Variants in SGCD observed in about 807,000 individuals in gnomAD.
SGCD encodes sarcoglycan delta.
Under a neutral mutation model 36.6 loss-of-function variants are expected in SGCD, and 18 were observed. The ratio of observed to expected loss-of-function variants is 0.49; its 90% CI spans 0.34 to 0.73. The LOEUF (loss-of-function observed/expected upper bound fraction) is 0.73, where lower values mean the gene tolerates loss of function less well. SGCD is among the 30% of genes least tolerant of loss of function. SGCD has a pLI of 0.01. For synonymous variants in SGCD, 133 were observed against 130.6 expected, an observed-to-expected ratio of 1.02 and a Z score of -0.12; for missense variants, 387 against 346.7, an observed-to-expected ratio of 1.12 and a Z score of -0.92.
chr5:155,802,877 T>G, the SGCD span, among the ~76,000 whole-genome samples: 14,512 of 152,268 alleles, frequency 0.095, 859 homozygotes, highest in South Asian at 0.2. Flanking sequence ...ATAGATATTT[T>G]TCATCTGAGG....
chr5:156,687,223 A>G (rs1201172477), intron 7 of SGCD, among the ~76,000 whole-genome samples: 1 of 152,214 alleles, frequency 6.6e-6, no homozygotes, highest in African/African-American at 2.4e-5. Flanking sequence ...CAAGCCACAC[A>G]ACAGTAGCTC....
chr5:156,646,871 G>A (rs1763246171), intron 6 of SGCD, among the ~76,000 whole-genome samples: 1 of 152,154 alleles, frequency 6.6e-6, no homozygotes, highest in South Asian at 2.1e-4. Context: ...TAAATGTCTA[G>A]ATTGGGTTTG....
chr5:156,664,925 C>A (rs79017871), intron 7 of SGCD, among the ~76,000 whole-genome samples: 1 of 90,184 alleles, frequency 1.1e-5, no homozygotes, highest in Non-Finnish European at 2.5e-5. Flanking sequence ...TCTAACGTTA[C>A]TGGGAATTGC....
At chr5:156,125,536 G>T (rs775102115) in intron 3 of SGCD, among the ~76,000 whole-genome samples, 2 of 151,894 alleles carry the variant, frequency 1.3e-5, no homozygotes, top group African/African-American at 2.4e-5. Context: ...TGAGATGGGC[G>T]GACATGTAAG....
the SGCD span, among the ~76,000 whole-genome samples, chr5:155,762,276 T>G: frequency 6.6e-6 from 1 of 152,156 alleles, no homozygotes; most frequent in Admixed American, 6.5e-5. Context: ...AAATCACAAT[T>G]GGAATTTAGG....
intron 3 of SGCD, among the ~76,000 whole-genome samples, chr5:156,194,704 A>C (rs1049745165): frequency 6.6e-6 from 1 of 152,096 alleles, no homozygotes; most frequent in African/African-American, 2.4e-5. Flanking sequence ...GATGGATAAT[A>C]TGATATAGTA....
At chr5:156,734,036 T>A (rs1756219890) in intron 7 of SGCD, among the ~76,000 whole-genome samples, 1 of 152,164 alleles carries the variant, frequency 6.6e-6, no homozygotes, top group African/African-American at 2.4e-5. Context: ...TTGTAGTGGC[T>A]GGTAATGATC....
chr5:155,993,743 A>G (rs1218327466), intron 1 of SGCD, among the ~76,000 whole-genome samples: 1 of 152,046 alleles, frequency 6.6e-6, no homozygotes, highest in Non-Finnish European at 1.5e-5. Context: ...TGGACCCTCT[A>G]TGTGGTTGCC....
chr5:156,633,065 T>A (rs902496777), intron 6 of SGCD, among the ~76,000 whole-genome samples: 2 of 152,192 alleles, frequency 1.3e-5, no homozygotes, highest in Admixed American at 1.3e-4. Flanking sequence ...TGTGACTTCT[T>A]TTTTCTCTGA....
At chr5:156,182,677 T>G (rs537712218) in intron 3 of SGCD, among the ~76,000 whole-genome samples, 4 of 152,310 alleles carry the variant, frequency 2.6e-5, no homozygotes, top group African/African-American at 9.6e-5. Flanking sequence ...ACTGGTAGAA[T>G]TATTAAGTTA....
At chr5:156,502,445 C>T (rs997067390) in intron 3 of SGCD, among the ~76,000 whole-genome samples, 2 of 152,176 alleles carry the variant, frequency 1.3e-5, no homozygotes, top group Non-Finnish European at 2.9e-5. Flanking sequence ...AGTGATCTTC[C>T]TGCCACAGCC....
chr5:155,826,752 T>C, the SGCD span, among the ~76,000 whole-genome samples: 2 of 152,228 alleles, frequency 1.3e-5, no homozygotes, highest in East Asian at 1.9e-4. Flanking sequence ...GCAGTTTCCA[T>C]GACAGCAAGG....
the SGCD span, among the ~76,000 whole-genome samples, chr5:155,791,295 G>A: frequency 6.6e-6 from 1 of 152,040 alleles, no homozygotes; most frequent in Non-Finnish European, 1.5e-5. Context: ...GGTAACTTGA[G>A]GAACTTCAAA....
intron 1 of SGCD, among the ~76,000 whole-genome samples, chr5:155,986,037 G>A (rs1238593773): frequency 6.6e-6 from 1 of 151,778 alleles, no homozygotes; most frequent in Non-Finnish European, 1.5e-5. Context: ...CCCCAGGAGA[G>A]GTAATTATTT....
At chr5:156,647,747 C>T (rs748900550) in intron 7 of SGCD, among the ~76,000 whole-genome samples, 76 of 152,016 alleles carry the variant, frequency 5.0e-4, no homozygotes, top group Non-Finnish European at 2.1e-4. Context: ...AAAGGTTGCC[C>T]ACTTTGTGAA....
intron 1 of SGCD, among the ~76,000 whole-genome samples, chr5:156,024,790 T>A (rs994762425): frequency 2.6e-5 from 4 of 151,960 alleles, no homozygotes; most frequent in Non-Finnish European, 5.9e-5. Context: ...AAACCCCGTT[T>A]CTACTAAAAT....
At chr5:156,133,340 C>A (rs764953598) in intron 3 of SGCD, among the ~76,000 whole-genome samples, 1 of 152,112 alleles carries the variant, frequency 6.6e-6, no homozygotes, top group Non-Finnish European at 1.5e-5. Context: ...TTCAATGAGA[C>A]CTTGAAATGC....
At chr5:155,770,507 G>A in the SGCD span, among the ~76,000 whole-genome samples, 1 of 152,106 alleles carries the variant, frequency 6.6e-6, no homozygotes, top group Non-Finnish European at 1.5e-5. Flanking sequence ...TGATTGAAAG[G>A]CACAGTGGCA....
intron 1 of SGCD, among the ~76,000 whole-genome samples, chr5:156,053,415 A>T (rs1759971901): frequency 6.8e-6 from 1 of 146,436 alleles, no homozygotes; most frequent in Non-Finnish European, 1.5e-5. Context: ...TCCATCTAAA[A>T]GGTAGTGAGG....
Sources: allele counts gnomAD v4.1 joint callset (sites outside exome capture counted in the v4.1 genomes callset), GRCh38; gene constraint gnomAD v4.1.1; transcripts MANE v1.5; gene names NCBI Gene and HGNC (gene_info 2026-07-23, HGNC 2026-07-21).